The following CMC1 variants were observed in gnomAD, a reference collection of about 807,000 sequenced individuals.
CMC1 encodes the protein COX assembly mitochondrial protein homolog.
A neutral mutation model predicts 14.1 loss-of-function variants in CMC1; 14 were observed. The observed-to-expected ratio is 0.99, with a 90% CI of 0.66 to 1.55. The LOEUF is 1.55. Among genes scored for constraint, CMC1 ranks in the 40% most tolerant of loss-of-function variants. The probability of loss-of-function intolerance (pLI) is 0.00; values close to 1 mark genes in which losing one functional copy is unlikely to be tolerated. For synonymous variants in CMC1, 50 were observed against 38.4 expected (o/e 1.30, Z -1.12); for missense variants, 127 against 123.8 (o/e 1.03, Z -0.12).
At chr3:28,262,658 C>CT (rs1322021362) in intron 1 of CMC1, among the ~76,000 whole-genome samples, 1 of 152,052 alleles carries the variant, frequency 6.6e-6, no homozygotes, top group Non-Finnish European at 1.5e-5. Context: ...GATTCCTCAT[C>CT]TTTTTTGGTT....
intron 1 of CMC1, among the ~76,000 whole-genome samples, chr3:28,247,202 A>C (rs775395545): frequency 1.3e-5 from 2 of 152,110 alleles, no homozygotes; most frequent in Non-Finnish European, 2.9e-5. Context: ...CCATACAATT[A>C]GTTATTTCTC....
At position 28,312,273 on chromosome 3, in the gene CMC1, G is replaced by C. The variant is rs146427790; in HGVS notation, c.110-4060G>C. ...CTGAAAAGTTAGGAATAAGTGCTGT[G>C]TCTAAAGACAGTTGTGAAAAAATTC... is the stretch of plus-strand genomic sequence containing the variant. On this transcript the variant is annotated intron_variant, in intron 2 of 3. Transcript: ENST00000466830. 1.5e-3 allele frequency among the ~76,000 whole-genome samples: 227 copies of C among 152,280 alleles called. 4 individuals carry two copies. In the East Asian group the frequency reaches 0.03, roughly 20 times the overall value.
chr3:28,285,096 G>T (rs1701104057), intron 2 of CMC1, among the ~76,000 whole-genome samples: 1 of 152,158 alleles, frequency 6.6e-6, no homozygotes. Context: ...AGATTCCTAA[G>T]TACTTAGGAT....
chr3:28,242,903 C>G (rs1282154764), intron 1 of CMC1, among the ~76,000 whole-genome samples: 2 of 151,954 alleles, frequency 1.3e-5, no homozygotes, highest in Non-Finnish European at 2.9e-5. Context: ...GAAGAGGCAG[C>G]CCTATGAGCA....
At chr3:28,243,243 A>G (rs1012589447) in intron 1 of CMC1, among the ~76,000 whole-genome samples, 35 of 151,812 alleles carry the variant, frequency 2.3e-4, no homozygotes, top group African/African-American at 8.5e-4. Flanking sequence ...TTTAGTAGAG[A>G]TGAGGTTTCG....
intron 2 of CMC1, among the ~76,000 whole-genome samples, chr3:28,304,269 T>G (rs1381598095): frequency 6.6e-6 from 1 of 152,244 alleles, no homozygotes; most frequent in South Asian, 2.1e-4. Context: ...ATAAAAATTT[T>G]TAATGAGATA....
rs748373087 is a variant in CMC1 at position 28,241,667 on chromosome 3, C to T, written c.-127C>T. Reference sequence around the variant, plus strand: ...GGTCCTGGCGGTGCTTTGCAAAGGGCCCGTGTTTCTGTTGCGGGAAGCTCC... The same window carrying T: ...GGTCCTGGCGGTGCTTTGCAAAGGGTCCGTGTTTCTGTTGCGGGAAGCTCC... On this transcript the variant is annotated 5_prime_UTR_variant, in exon 1 of 4. Transcript: ENST00000466830. 4.1e-6 allele frequency: 5 copies of T among 1,234,492 alleles called. No homozygotes were observed. Among genetic ancestry groups the T allele is most frequent in the Admixed American group, 4.2e-5 (1 of 23,694 alleles). The allele number at this position is 1,234,492 out of a possible 1,614,324, so 76.5% of individuals were successfully genotyped here.
chr3:28,314,355 T>G (rs1323726764), intron 2 of CMC1, among the ~76,000 whole-genome samples: 1 of 152,202 alleles, frequency 6.6e-6, no homozygotes, highest in Non-Finnish European at 1.5e-5. Context: ...CTTTTGAGTG[T>G]TAGAGAGTCC....
At chr3:28,252,232 G>GCA (rs1003636563) in intron 1 of CMC1, among the ~76,000 whole-genome samples, 2 of 152,160 alleles carry the variant, frequency 1.3e-5, no homozygotes, top group African/African-American at 4.8e-5. Context: ...TGGGAAATGG[G>GCA]CACATCTAGT....
intron 2 of CMC1, chr3:28,294,294 A>G (rs1701633625): frequency 6.4e-6 from 1 of 155,232 alleles, no homozygotes; most frequent in African/African-American, 2.4e-5. Flanking sequence ...CCTTGATATG[A>G]AAAAATTTTT....
intron 2 of CMC1, chr3:28,316,063 C>G (rs1702893089): frequency 4.3e-6 from 1 of 232,358 alleles, no homozygotes; most frequent in Admixed American, 5.4e-5. Flanking sequence ...TCTCCCTCTT[C>G]TCAAATCACA....
chr3:28,300,846 C>T (rs1035384850), intron 2 of CMC1, among the ~76,000 whole-genome samples: 1 of 151,354 alleles, frequency 6.6e-6, no homozygotes, highest in African/African-American at 2.4e-5. Context: ...CAGTTTTCCT[C>T]CTATGAAATA....
At chr3:28,313,033 T>C (rs1230914912) in intron 2 of CMC1, among the ~76,000 whole-genome samples, 2 of 152,028 alleles carry the variant, frequency 1.3e-5, no homozygotes, top group Non-Finnish European at 2.9e-5. Flanking sequence ...ATTTTTATAT[T>C]TTTAGTAGAG....
At chr3:28,243,095 G>T (rs1026643000) in intron 1 of CMC1, among the ~76,000 whole-genome samples, 1 of 151,894 alleles carries the variant, frequency 6.6e-6, no homozygotes, top group Non-Finnish European at 1.5e-5. Flanking sequence ...TCTCACTGTC[G>T]CCCAGGCTGG....
intron 1 of CMC1, among the ~76,000 whole-genome samples, chr3:28,255,601 T>C (rs1214536677): frequency 6.6e-6 from 1 of 151,970 alleles, no homozygotes; most frequent in Non-Finnish European, 1.5e-5. Flanking sequence ...AAATAAATGA[T>C]ACAGCAAAGA....
chr3:28,290,910 C>T (rs566484873), intron 2 of CMC1, among the ~76,000 whole-genome samples: 10 of 151,926 alleles, frequency 6.6e-5, no homozygotes, highest in Non-Finnish European at 1.5e-4. Context: ...CAGTTTCTCA[C>T]AAGGCTGCAA....
At chr3:28,312,753 G>A (rs1030307550) in intron 2 of CMC1, among the ~76,000 whole-genome samples, 2 of 152,004 alleles carry the variant, frequency 1.3e-5, no homozygotes, top group Non-Finnish European at 2.9e-5. Context: ...ATTACAATGT[G>A]AATAATTATT....
chr3:28,298,493 T>C (rs1358518556), intron 2 of CMC1: 1 of 149,448 alleles, frequency 6.7e-6, no homozygotes, highest in Non-Finnish European at 1.5e-5. Flanking sequence ...ATATAAAATA[T>C]AGTATGCAAT....
At chr3:28,300,930 A>G (rs1312255739) in intron 2 of CMC1, among the ~76,000 whole-genome samples, 2 of 98,358 alleles carry the variant, frequency 2.0e-5, no homozygotes, top group South Asian at 4.2e-4. Flanking sequence ...CCCGACGTGT[A>G]CACATGCACA....
Sources: gnomAD v4.1 joint callset for allele counts (sites outside exome capture counted in the v4.1 genomes callset) on GRCh38, gnomAD v4.1.1 for gene constraint, MANE v1.5 for transcripts, NCBI Gene and HGNC (gene_info 2026-07-23, HGNC 2026-07-21) for gene names.